The following SH3BGRL2 variants were observed in gnomAD, a reference collection of about 807,000 sequenced individuals.
SH3BGRL2 encodes SH3 domain binding glutamate rich protein like 2, also known as SH3 domain-binding glutamic acid-rich-like protein 2.
SH3BGRL2 carries 21 observed loss-of-function variants against 14.8 expected under a neutral mutation model. The ratio of observed to expected loss-of-function variants is 1.42; its 90% CI spans 1.01 to 2.05. The LOEUF is 2.05. Ranked by LOEUF, SH3BGRL2 falls within the 30% of genes most tolerant of loss-of-function variation. The pLI, the probability that SH3BGRL2 is intolerant of heterozygous loss-of-function variation, is 0.00. For synonymous variants in SH3BGRL2, 50 were observed against 47.8 expected, an observed-to-expected ratio of 1.05 and a Z score of -0.19; for missense variants, 147 against 130.8, an observed-to-expected ratio of 1.12 and a Z score of -0.61.
chr6:79,647,321 T>G (rs1213736528), intron 1 of SH3BGRL2, among the ~76,000 whole-genome samples: 1 of 152,102 alleles, frequency 6.6e-6, no homozygotes, highest in Non-Finnish European at 1.5e-5. Context: ...GAAGTGGTTG[T>G]GGGTATCTTT....
chr6:79,640,817 G>A (rs2655685), intron 1 of SH3BGRL2, among the ~76,000 whole-genome samples: 15,725 of 152,036 alleles, frequency 0.1, 1,282 homozygotes, highest in East Asian at 0.43. Flanking sequence ...ACTGGGTCAT[G>A]GCCCAAATAT....
chr6:79,689,767 T>C (rs535850777), intron 2 of SH3BGRL2, among the ~76,000 whole-genome samples: 1 of 152,176 alleles, frequency 6.6e-6, no homozygotes, highest in East Asian at 1.9e-4. Flanking sequence ...TTTTTAATTA[T>C]AAACACTGAA....
At chr6:79,578,145 A>G in the SH3BGRL2 span, among the ~76,000 whole-genome samples, 1 of 152,254 alleles carries the variant, frequency 6.6e-6, no homozygotes, top group Non-Finnish European at 1.5e-5. Context: ...AGCCCACCAC[A>G]GCTCAACAAG....
upstream of SH3BGRL2, among the ~76,000 whole-genome samples, chr6:79,627,422 T>C (rs1348764317): frequency 2.6e-5 from 4 of 152,190 alleles, no homozygotes; most frequent in Non-Finnish European, 4.4e-5. Flanking sequence ...AGGCACCGTA[T>C]GGCATAACTT....
At chr6:79,692,744 G>A (rs1251557916) in intron 2 of SH3BGRL2, among the ~76,000 whole-genome samples, 1 of 152,132 alleles carries the variant, frequency 6.6e-6, no homozygotes, top group African/African-American at 2.4e-5. Context: ...GTACCATGCT[G>A]TTTTGGTTAC....
At chr6:79,557,233 AAG>A in the SH3BGRL2 span, among the ~76,000 whole-genome samples, 4 of 151,788 alleles carry the variant, frequency 2.6e-5, no homozygotes, top group African/African-American at 9.7e-5. Context: ...AGAAAATTTA[AAG>A]AGTTTCTGCA....
the SH3BGRL2 span, among the ~76,000 whole-genome samples, chr6:79,585,534 T>G: frequency 1.3e-5 from 2 of 152,170 alleles, no homozygotes; most frequent in African/African-American, 4.8e-5. Context: ...GATCTTTGTT[T>G]CCCAATACAA....
chr6:79,547,769 TTGAAAGCAGTGA>T, the SH3BGRL2 span, among the ~76,000 whole-genome samples: 1 of 152,150 alleles, frequency 6.6e-6, no homozygotes, highest in African/African-American at 2.4e-5. Flanking sequence ...CTATGCATAG[TTGAAAGCAGTGA>T]TTAGAAAAAA....
the SH3BGRL2 span, among the ~76,000 whole-genome samples, chr6:79,584,152 G>A: frequency 1.3e-5 from 2 of 151,954 alleles, no homozygotes; most frequent in Non-Finnish European, 2.9e-5. Flanking sequence ...TCCAGCAAAC[G>A]TTTTATATTT....
At chr6:79,629,859 G>C (rs1285074497), upstream of SH3BGRL2, among the ~76,000 whole-genome samples, 2 of 152,160 alleles carry the variant, frequency 1.3e-5, no homozygotes, top group Admixed American at 6.5e-5. Context: ...CTTTCACAGA[G>C]TAGGCTCTGA....
the SH3BGRL2 span, among the ~76,000 whole-genome samples, chr6:79,572,505 G>A: frequency 1.6e-4 from 24 of 151,086 alleles, no homozygotes; most frequent in Non-Finnish European, 2.9e-4. Context: ...TCACTCTGTC[G>A]CCCAGGCTGG....
chr6:79,673,970 A>C (rs1769830456), intron 2 of SH3BGRL2, among the ~76,000 whole-genome samples, 171 bp downstream of exon 2: 1 of 152,042 alleles, frequency 6.6e-6, no homozygotes, highest in Non-Finnish European at 1.5e-5. Flanking sequence ...GTCCAAGGTC[A>C]TGGACTGTGT....
chr6:79,577,379 G>T, the SH3BGRL2 span, among the ~76,000 whole-genome samples: 999 of 151,980 alleles, frequency 6.6e-3, 13 homozygotes, highest in African/African-American at 0.023. Context: ...AAGTATAAAG[G>T]GTTAAAACCT....
chr6:79,588,979 A>C, the SH3BGRL2 span, among the ~76,000 whole-genome samples: 4 of 152,034 alleles, frequency 2.6e-5, no homozygotes, highest in African/African-American at 9.7e-5. Context: ...TGGTTCCAAG[A>C]CCCCCTGCAG....
chr6:79,656,675 A>G (rs2127727952), intron 1 of SH3BGRL2, among the ~76,000 whole-genome samples: 1 of 152,334 alleles, frequency 6.6e-6, no homozygotes, highest in East Asian at 1.9e-4. Context: ...TTTACATAGC[A>G]TTCACATTGT....
chr6:79,609,278 A>G, the SH3BGRL2 span, among the ~76,000 whole-genome samples: 4 of 152,304 alleles, frequency 2.6e-5, no homozygotes, highest in South Asian at 8.3e-4. Flanking sequence ...AGGAAAATGT[A>G]TGTAAAGGGA....
chr6:79,611,202 A>T, the SH3BGRL2 span, among the ~76,000 whole-genome samples: 2 of 152,186 alleles, frequency 1.3e-5, no homozygotes, highest in Admixed American at 6.5e-5. Context: ...GTCATCATTT[A>T]TAAAGATGTA....
chr6:79,561,909 A>G, the SH3BGRL2 span, among the ~76,000 whole-genome samples: 1 of 152,212 alleles, frequency 6.6e-6, no homozygotes, highest in Non-Finnish European at 1.5e-5. Context: ...GGCCAGAGTC[A>G]GTTTTATGAC....
chr6:79,674,601 A>G (rs1005682499), intron 2 of SH3BGRL2, among the ~76,000 whole-genome samples: 1 of 152,230 alleles, frequency 6.6e-6, no homozygotes. Context: ...GGTGCTTGAG[A>G]TTAAATAAAT....
Sources: gnomAD v4.1 joint callset for allele counts (sites outside exome capture counted in the v4.1 genomes callset) on GRCh38, gnomAD v4.1.1 for gene constraint, MANE v1.5 for transcripts, NCBI Gene and HGNC (gene_info 2026-07-23, HGNC 2026-07-21) for gene names.